TRPS1: variants seen among roughly 807,000 people sequenced by gnomAD.
TRPS1 encodes the protein transcriptional repressor GATA binding 1, also known as zinc finger transcription factor Trps1.
A neutral mutation model predicts 101.2 loss-of-function variants in TRPS1; 6 were observed. The observed-to-expected ratio is 0.06, with a 90% CI of 0.03 to 0.12. TRPS1 has a LOEUF of 0.12. TRPS1 is among the 10% of genes least tolerant of loss of function. TRPS1 has a pLI of 1.00. For synonymous variants in TRPS1, 578 were observed against 589.8 expected, an observed-to-expected ratio of 0.98 and a Z score of 0.29; for missense variants, 1,363 against 1,567.0, an observed-to-expected ratio of 0.87 and a Z score of 2.20.
chr8:115,461,990 T>C (rs1371442804), intron 5 of TRPS1, among the ~76,000 whole-genome samples: 1 of 152,178 alleles, frequency 6.6e-6, no homozygotes, highest in Non-Finnish European at 1.5e-5. Flanking sequence ...GCTTCCTGTT[T>C]ACCTATCTTC....
chr8:115,542,670 T>C (rs543953075), intron 5 of TRPS1, among the ~76,000 whole-genome samples: 1 of 152,270 alleles, frequency 6.6e-6, no homozygotes, highest in Admixed American at 6.5e-5. Flanking sequence ...CTATGGCCCA[T>C]GGCAAGACTC....
At chr8:115,451,291 C>T (rs143731853) in intron 5 of TRPS1, among the ~76,000 whole-genome samples, 1 of 152,218 alleles carries the variant, frequency 6.6e-6, no homozygotes, top group African/African-American at 2.4e-5. Flanking sequence ...TTATTCACTA[C>T]TCATTCCTCA....
chr8:115,607,812 T>C (rs1392730258), intron 3 of TRPS1, among the ~76,000 whole-genome samples: 2 of 152,226 alleles, frequency 1.3e-5, no homozygotes, highest in Admixed American at 6.5e-5. Flanking sequence ...CTTTCTATAC[T>C]GGTAGATGTA....
At chr8:115,499,849 T>C (rs187173319) in intron 5 of TRPS1, among the ~76,000 whole-genome samples, 56 of 152,284 alleles carry the variant, frequency 3.7e-4, no homozygotes, top group African/African-American at 1.3e-3. Flanking sequence ...TATGGGGAGC[T>C]AGGATACAAT....
intron 1 of TRPS1, among the ~76,000 whole-genome samples, chr8:115,667,029 G>C (rs923944350): frequency 6.6e-6 from 1 of 152,184 alleles, no homozygotes; most frequent in African/African-American, 2.4e-5. Context: ...GCATAAGAAT[G>C]AATATTCTAT....
At chr8:115,431,089 T>G (rs1212411538) in intron 5 of TRPS1, among the ~76,000 whole-genome samples, 1 of 152,082 alleles carries the variant, frequency 6.6e-6, no homozygotes, top group Non-Finnish European at 1.5e-5. Flanking sequence ...TGGAGTTCTC[T>G]CAATTCACAT....
chr8:115,419,370 G>T (rs750282623), intron 5 of TRPS1, among the ~76,000 whole-genome samples: 2 of 147,596 alleles, frequency 1.4e-5, no homozygotes, highest in Non-Finnish European at 3.0e-5. Context: ...GAATTCTCTT[G>T]CTGAAAAAAA....
intron 5 of TRPS1, among the ~76,000 whole-genome samples, chr8:115,516,390 A>G (rs755096949): frequency 2.6e-5 from 4 of 151,548 alleles, no homozygotes; most frequent in Non-Finnish European, 5.9e-5. Context: ...TAACTTTTTA[A>G]CCTGATGTCA....
rs143889318 is a variant in TRPS1 at position 115,429,063 on chromosome 8, G to A, written c.2701-10611C>T. Among the ~76,000 whole-genome samples the A allele has an allele frequency of 3.3e-5, 5 of 152,238 alleles. No homozygotes were observed. The East Asian group carries it at 9.7e-4, about 29-fold the overall frequency. On this transcript the variant is annotated intron_variant, in intron 5 of 6. Coordinates refer to ENST00000395715, the MANE Select transcript of TRPS1 (RefSeq NM_014112.5). ...AACATGATTTTTAAAAGACGAAGTGGAATTATGAATTTCCTTAACAATAAT... is the reference window on the plus strand; with the variant it reads ...AACATGATTTTTAAAAGACGAAGTGAAATTATGAATTTCCTTAACAATAAT...
chr8:115,425,347 A>G, intron 5 of TRPS1, among the ~76,000 whole-genome samples: 1 of 152,158 alleles, frequency 6.6e-6, no homozygotes, highest in East Asian at 1.9e-4. Context: ...TATAATCACC[A>G]TAGAGCTTGG....
chr8:115,528,889 T>C (rs1449339023), intron 5 of TRPS1, among the ~76,000 whole-genome samples: 1 of 152,006 alleles, frequency 6.6e-6, no homozygotes, highest in African/African-American at 2.4e-5. Context: ...TATTTCAAAA[T>C]AGAATGTGAG....
chr8:115,562,453 CTT>C (rs1388074219), intron 5 of TRPS1, among the ~76,000 whole-genome samples: 3 of 150,980 alleles, frequency 2.0e-5, no homozygotes, highest in African/African-American at 7.3e-5. Flanking sequence ...ATTGTTCCCT[CTT>C]CTCTTTTCCA....
chr8:115,519,392 A>T (rs907493647), intron 5 of TRPS1, among the ~76,000 whole-genome samples: 3 of 151,632 alleles, frequency 2.0e-5, no homozygotes, highest in Non-Finnish European at 4.4e-5. Context: ...TAAATTTGAA[A>T]TATGTTTCCT....
intron 5 of TRPS1, among the ~76,000 whole-genome samples, chr8:115,521,802 T>C (rs1815869225): frequency 6.6e-6 from 1 of 151,944 alleles, no homozygotes; most frequent in Non-Finnish European, 1.5e-5. Context: ...AAGGTAAATA[T>C]TCAAACTACT....
At chr8:115,664,509 C>T (rs1010118786) in intron 1 of TRPS1, among the ~76,000 whole-genome samples, 5 of 151,994 alleles carry the variant, frequency 3.3e-5, no homozygotes, top group Non-Finnish European at 7.4e-5. Flanking sequence ...TCAAAGTAAA[C>T]GCAAGTCTAC....
intron 1 of TRPS1, among the ~76,000 whole-genome samples, chr8:115,639,336 T>C (rs1446617430): frequency 2.6e-5 from 4 of 152,186 alleles, no homozygotes; most frequent in Admixed American, 1.3e-4. Context: ...TCCAGAGTGC[T>C]GGGATTACAG....
intron 5 of TRPS1, among the ~76,000 whole-genome samples, chr8:115,565,586 A>T (rs1817050232): frequency 6.6e-6 from 1 of 151,872 alleles, no homozygotes; most frequent in Admixed American, 6.6e-5. Flanking sequence ...TACATTAGTG[A>T]GTTCGCCAAA....
At chr8:115,530,774 T>C (rs1216197458) in intron 5 of TRPS1, among the ~76,000 whole-genome samples, 2 of 152,140 alleles carry the variant, frequency 1.3e-5, no homozygotes, top group African/African-American at 4.8e-5. Flanking sequence ...GTTCATGTCC[T>C]TTGTAGGGAC....
intron 5 of TRPS1, among the ~76,000 whole-genome samples, chr8:115,464,842 T>C (rs1586300536): frequency 6.6e-6 from 1 of 152,118 alleles, no homozygotes. Flanking sequence ...TTATTTAAAC[T>C]AGGTTATTAT....
Sources: allele counts gnomAD v4.1 joint callset (sites outside exome capture counted in the v4.1 genomes callset), GRCh38; gene constraint gnomAD v4.1.1; transcripts MANE v1.5; gene names NCBI Gene and HGNC (gene_info 2026-07-23, HGNC 2026-07-21).